The following TERF1 variants were observed in gnomAD, a reference collection of about 807,000 sequenced individuals.
TERF1 encodes the protein telomeric repeat binding factor 1, also known as telomeric repeat-binding factor 1.
TERF1 carries 20 observed loss-of-function variants against 55.1 expected under a neutral mutation model. The ratio of observed to expected loss-of-function variants is 0.36; its 90% confidence interval spans 0.26 to 0.53. The LOEUF (loss-of-function observed/expected upper bound fraction) is 0.53, where lower values mean the gene tolerates loss of function less well. TERF1 is among the 20% of genes least tolerant of loss of function. The pLI, the probability that TERF1 is intolerant of heterozygous loss-of-function variation, is 0.91. For synonymous variants in TERF1, 168 were observed against 181.2 expected, an observed-to-expected ratio of 0.93 and a Z score of 0.59; for missense variants, 439 against 535.7, an observed-to-expected ratio of 0.82 and a Z score of 1.78.
At chr8:73,028,893 G>A (rs943645177) in intron 6 of TERF1, among the ~76,000 whole-genome samples, 5 of 152,188 alleles carry the variant, frequency 3.3e-5, no homozygotes, top group African/African-American at 1.2e-4. Flanking sequence ...TTATTTGAAG[G>A]TTCTTACTTA....
rs1035571208 is a variant in TERF1 at position 73,009,201 on chromosome 8, A to G, written c.315A>G (p.Ala105=). ...SEDFRRTRNS[A]EAIIHGLSSL... Reference sequence around the variant, plus strand: ...ACTTCCGCAGGACCCGCAACAGCGCAGAGGGTGAGTGCAGACCGCGTCCGG... The same window carrying G: ...ACTTCCGCAGGACCCGCAACAGCGCGGAGGGTGAGTGCAGACCGCGTCCGG... The change falls in exon 1 of 10, where the codon GCA becomes GCG. Residue 105 remains alanine, a synonymous_variant. Transcript: ENST00000276603. The G allele has an allele frequency of 3.1e-6, 5 of 1,609,940 alleles. No homozygotes were observed. Among genetic ancestry groups the G allele is most frequent in the Non-Finnish European group, 4.2e-6 (5 of 1,179,750 alleles).
intron 2 of TERF1, among the ~76,000 whole-genome samples, chr8:73,018,317 C>G (rs1044640415): frequency 6.6e-6 from 1 of 152,118 alleles, no homozygotes; most frequent in Non-Finnish European, 1.5e-5. Context: ...ATATTTGAAA[C>G]TACGAATATT....
At position 73,045,954 on chromosome 8, in the gene TERF1, T is replaced by C. The variant is rs1364570286; in HGVS notation, c.1144-7T>C. 6.5e-7 allele frequency: 1 copy of C among 1,529,014 alleles called. No homozygotes were observed. Among genetic ancestry groups the C allele is most frequent in the South Asian group, 1.3e-5 (1 of 77,216 alleles). 94.7% of individuals were successfully genotyped at this position (1,529,014 alleles called of 1,614,324 possible). ...CTGTAAATAACTGTTTTACTTTTTA[T>C]CAAAAGGCATGGCTTTGGGAAGAAG... On this transcript the variant is annotated splice_region_variant and splice_polypyrimidine_tract_variant and intron_variant, in intron 9 of 9. Coordinates refer to ENST00000276603, the MANE Select transcript of TERF1 (RefSeq NM_017489.3).
chr8:73,035,570 AG>A (rs925489793), intron 8 of TERF1, among the ~76,000 whole-genome samples: 1 of 152,156 alleles, frequency 6.6e-6, no homozygotes, highest in African/African-American at 2.4e-5. Context: ...AATGCTGTTC[AG>A]GTATTCTATA....
rs9886525 is a variant in TERF1 at position 73,037,214 on chromosome 8, T to C, written c.1040-1902T>C. Among the ~76,000 whole-genome samples the C allele has an allele frequency of 5.3e-3, 722 of 136,214 alleles. 6 individuals carry two copies. The highest frequency in any genetic ancestry group is 0.019 in the African/African-American group (700 of 37,058). 89.4% of individuals were successfully genotyped at this position (136,214 alleles called of 152,430 possible). The stretch of plus-strand genomic sequence containing the variant: ...TATATATTATATAATATAATTTATA[T>C]ATAATTATAATATAATAATTTATAT... On this transcript the variant is annotated intron_variant, in intron 8 of 9. Coordinates refer to ENST00000276603, the MANE Select transcript of TERF1 (RefSeq NM_017489.3).
chr8:73,029,201 G>A (rs1462030279), intron 6 of TERF1, among the ~76,000 whole-genome samples: 1 of 152,174 alleles, frequency 6.6e-6, no homozygotes, highest in Non-Finnish European at 1.5e-5. Context: ...ATGTTATGAA[G>A]ACTAGATGAA....
At position 73,039,200 on chromosome 8, in the gene TERF1, A is replaced by G. The variant is rs748462018; in HGVS notation, c.1124A>G (p.His375Arg). The G allele has an allele frequency of 5.6e-6, 9 of 1,604,384 alleles. No individual in the cohort carries two copies. The highest frequency in any genetic ancestry group is 7.7e-6 in the Non-Finnish European group (9 of 1,175,810). Residue 375 changes from histidine to arginine, a missense_variant, in exon 9 of 10, where the codon CAT becomes CGT. His to Arg is a conservative substitution (Grantham distance 29). Transcript: ENST00000276603. ...AGTCAGCCGGTAACTCCTGAAAAAC[A>G]TCGAGCTAGAAAAAGACAGGTATTT... ...SKSQPVTPEK[H>R]RARKRQAWLW...
chr8:73,029,744 T>G (rs1182739968), intron 6 of TERF1, among the ~76,000 whole-genome samples: 3 of 152,178 alleles, frequency 2.0e-5, no homozygotes, highest in Non-Finnish European at 2.9e-5. Context: ...GGTAGTAGTC[T>G]TGAACAGGGG....
chr8:73,024,957 A>T lies in TERF1; in HGVS notation c.760A>T (p.Thr254Ser). The T allele has an allele frequency of 6.4e-7, 1 of 1,566,496 alleles. No homozygotes were observed. Among genetic ancestry groups the T allele is most frequent in the Non-Finnish European group, 8.6e-7 (1 of 1,158,076 alleles). Residue 254 changes from threonine (T) to serine (S), a missense_variant, in exon 5 of 10, where the codon ACC becomes TCC. Physicochemically the swap from Thr to Ser is moderately conservative, Grantham distance 58. Around this residue, in one of 4 missense-constraint regions of TERF1, gnomAD observed 140 missense variants for 158.6 expected, o/e 0.88. Transcript: ENST00000276603. ...VNYVLSEKSS[T>S]FLMKAAAKVV... ...TTATGTGCTAAGTGAAAAATCATCA[A>T]CCTTTCTAATGAAGGTATACATATT...
intron 9 of TERF1, among the ~76,000 whole-genome samples, chr8:73,044,852 C>T (rs747948637): frequency 1.6e-4 from 24 of 152,150 alleles, no homozygotes; most frequent in Middle Eastern, 3.4e-3. Context: ...TTCTAGAATG[C>T]GTCAGAACTT....
At chr8:73,014,813 T>A (rs1347173826) in intron 2 of TERF1, among the ~76,000 whole-genome samples, 1 of 152,186 alleles carries the variant, frequency 6.6e-6, no homozygotes, top group African/African-American at 2.4e-5. Flanking sequence ...TGTAGTCTGC[T>A]TTGTTTGGGG....
chr8:73,036,375 C>T (rs904472268), intron 8 of TERF1, among the ~76,000 whole-genome samples: 28 of 152,128 alleles, frequency 1.8e-4, no homozygotes, highest in African/African-American at 6.0e-4. Context: ...TAGTGGACTA[C>T]CTGTCTTAAC....
intron 8 of TERF1, among the ~76,000 whole-genome samples, chr8:73,038,459 TAA>T (rs574286313): frequency 6.8e-6 from 1 of 146,580 alleles, no homozygotes; most frequent in African/African-American, 2.5e-5. Flanking sequence ...CCCTATCTCT[TAA>T]AAAAAAAAAG....
At chr8:73,019,028 A>G (rs1808641364) in intron 2 of TERF1, 2 of 152,154 alleles carry the variant, frequency 1.3e-5, no homozygotes, top group South Asian at 4.1e-4. Flanking sequence ...ATTTTTATAT[A>G]TTTGCTGCCA....
chr8:73,010,557 C>T (rs1808242353), intron 1 of TERF1: 1 of 152,186 alleles, frequency 6.6e-6, no homozygotes, highest in Non-Finnish European at 1.5e-5. Flanking sequence ...CAGAAGCAAC[C>T]TAACTCTAGT....
intron 7 of TERF1, chr8:73,031,837 A>G: frequency 2.6e-6 from 1 of 382,316 alleles, no homozygotes; most frequent in Non-Finnish European, 4.7e-6. Flanking sequence ...TGCGGAGTAG[A>G]TGAGATGGAG....
chr8:73,011,914 T>C (rs1808297109), intron 1 of TERF1: 1 of 152,270 alleles, frequency 6.6e-6, no homozygotes, highest in African/African-American at 2.4e-5. Context: ...ATTAGAACTT[T>C]TAATTTCCTT....
rs78142211 is a variant in TERF1, at chr8:73,034,494, A to G, written c.1039+2361A>G. On this transcript the variant is annotated intron_variant, in intron 8 of 9. Coordinates refer to ENST00000276603, the MANE Select transcript of TERF1 (RefSeq NM_017489.3). ...TGCCCCTGCAGGTCTCTAACTCCCA[A>G]ACTCAAGCAATCTGCTTGCTGTAAT... Among the ~76,000 whole-genome samples the G allele has an allele frequency of 9.1e-3, 1,382 of 152,164 alleles. 14 individuals are homozygous for G. The highest frequency in any genetic ancestry group is 0.012 in the Non-Finnish European group (822 of 68,000).
chr8:73,037,820 A>T (rs1363928660), intron 8 of TERF1, among the ~76,000 whole-genome samples: 3 of 104,230 alleles, frequency 2.9e-5, no homozygotes, highest in South Asian at 2.3e-4. Context: ...TATTATATAT[A>T]ATATATAGTA....
Sources: gnomAD v4.1 joint callset for allele counts (sites outside exome capture counted in the v4.1 genomes callset) on GRCh38, gnomAD v4.1.1 for gene constraint, gnomAD v4.1.1 regional missense constraint, MANE v1.5 for transcripts, NCBI Gene and HGNC (gene_info 2026-07-23, HGNC 2026-07-21) for gene names.